The following TUFT1 variants were observed in gnomAD, a reference collection of about 807,000 sequenced individuals.
TUFT1 encodes the protein tuftelin 1.
TUFT1 carries 43 observed loss-of-function variants against 57.8 expected under a neutral mutation model. The observed-to-expected ratio is 0.74, with a 90% CI of 0.58 to 0.96. The LOEUF is 0.96. TUFT1 is among the 40% of genes least tolerant of loss of function. The probability of loss-of-function intolerance (pLI) is 0.00; values close to 1 mark genes in which losing one functional copy is unlikely to be tolerated. For missense variants in TUFT1, 459 were observed against 489.0 expected (o/e 0.94, Z 0.58); for synonymous variants, 166 against 176.7 (o/e 0.94, Z 0.48).
At chr1:151,580,115 C>T (rs902387222) in intron 11 of TUFT1, among the ~76,000 whole-genome samples, 1 of 152,152 alleles carries the variant, frequency 6.6e-6, no homozygotes, top group South Asian at 2.1e-4. Flanking sequence ...GATTACGTAA[C>T]GAGTTGCCTT....
rs1200252645 is a variant in TUFT1 at position 151,566,119 on chromosome 1, GC to G, written c.415-43del. 3 of 1,362,382 alleles carry G rather than the reference GC, an allele frequency of 2.2e-6. No homozygotes were observed. The African/African-American group carries it at 4.6e-5, about 21-fold the overall frequency. The allele number at this position is 1,362,382 out of a possible 1,614,324, so 84.4% of individuals were successfully genotyped here. A position where few individuals can be genotyped will look rare whatever the true frequency, so the allele number is the denominator to read the frequency against. On this transcript the variant is annotated intron_variant, in intron 5 of 12. Transcript: ENST00000368849. Reference sequence around the variant, plus strand: ...GGAGAATAATGTTTCAAAGTTGGTTGCTTTCATCTGTTTTAACTACCAATTT... The same window carrying G: ...GGAGAATAATGTTTCAAAGTTGGTTGTTTCATCTGTTTTAACTACCAATTT...
At chr1:151,562,834 G>C (rs1208616676) in intron 3 of TUFT1, 148 bp downstream of exon 3, 5 of 667,522 alleles carry the variant, frequency 7.5e-6, no homozygotes, top group Non-Finnish European at 1.0e-5. Context: ...CAATCTCCTA[G>C]AAATATCTTA....
chr1:151,562,312 C>A, intron 2 of TUFT1, 147 bp downstream of exon 2: 1 of 731,168 alleles, frequency 1.4e-6, no homozygotes, highest in African/African-American at 1.8e-5. Flanking sequence ...TTGCCTCAGC[C>A]TTCTGCACTG....
chr1:151,560,959 TGTG>T (rs1558007235), intron 1 of TUFT1, among the ~76,000 whole-genome samples: 90 of 14,600 alleles, frequency 6.2e-3, no homozygotes, highest in Admixed American at 7.4e-3. Context: ...CAAAGTATTG[TGTG>T]TGTGTGTGTG....
chr1:151,565,484 G>A (rs1666039366), intron 5 of TUFT1, among the ~76,000 whole-genome samples: 1 of 152,236 alleles, frequency 6.6e-6, no homozygotes, highest in Non-Finnish European at 1.5e-5. Flanking sequence ...ATGCACTTGT[G>A]TGGTGGAAAT....
At chr1:151,565,047 T>C in intron 5 of TUFT1, 1 of 155,416 alleles carries the variant, frequency 6.4e-6, no homozygotes. Flanking sequence ...GTCCGTGCCC[T>C]AGCCTGTTAT....
chr1:151,542,973 A>C (rs1665213753), intron 1 of TUFT1, among the ~76,000 whole-genome samples: 1 of 152,226 alleles, frequency 6.6e-6, no homozygotes, highest in Admixed American at 6.5e-5. Flanking sequence ...AAATGAACAG[A>C]TGTTTCTTCC....
In TUFT1 at chr1:151,540,481, C is replaced by T. The variant is rs1665125064; in HGVS notation, c.60+55C>T. 5 of 1,601,608 alleles carry T rather than the reference C, an allele frequency of 3.1e-6. No individual in the cohort carries two copies. The East Asian group carries it at 1.1e-4, about 36-fold the overall frequency. On this transcript the variant is annotated intron_variant, in intron 1 of 12. Coordinates refer to ENST00000368849, the MANE Select transcript of TUFT1 (RefSeq NM_020127.3). ...CGTTTTGTATTCCCGGTTTCTAAGTCCGCCCCTTCCGTGCCCCGCGCCGTG... is the reference window on the plus strand; with the variant it reads ...CGTTTTGTATTCCCGGTTTCTAAGTTCGCCCCTTCCGTGCCCCGCGCCGTG...
At chr1:151,581,178 G>A in intron 12 of TUFT1, 136 bp downstream of exon 12, 1 of 818,792 alleles carries the variant, frequency 1.2e-6, no homozygotes, top group South Asian at 1.8e-5. Flanking sequence ...CTGACCCACT[G>A]TTTGCCGGAA....
At position 151,578,749 on chromosome 1, in the gene TUFT1, G is replaced by C; in HGVS notation, c.847G>C (p.Gly283Arg). ...KAATLEKEVAGLREKIHHLDD... is the reference protein window; with the variant it reads ...KAATLEKEVARLREKIHHLDD... ...TGCTACCCTGGAAAAGGAAGTGGCC[G>C]GGTTGCGGGAGAAGATCCACCACTT... The change falls in exon 10 of 13, where the codon GGG becomes CGG. Residue 283 changes from glycine (G) to arginine (R), a missense_variant. By Grantham distance (125) the Gly-to-Arg change is moderately radical (BLOSUM62 -2). Transcript: ENST00000368849. 6 of 1,579,960 alleles carry C rather than the reference G, an allele frequency of 3.8e-6. No homozygotes were observed. The highest frequency in any genetic ancestry group is 2.3e-5 in the East Asian group (1 of 43,296).
intron 1 of TUFT1, among the ~76,000 whole-genome samples, chr1:151,554,695 C>CCTTTTTTTTTTTTTTTTTTTT (rs1553249393): frequency 2.3e-5 from 2 of 85,652 alleles, no homozygotes. Flanking sequence ...GCCCGGCCCC[C>CCTTTTTTTTTTTTTTTTTTTT]TTTTTTTTTT....
chr1:151,574,019 G>A (rs1275691445), intron 7 of TUFT1, among the ~76,000 whole-genome samples: 1 of 152,142 alleles, frequency 6.6e-6, no homozygotes, highest in Non-Finnish European at 1.5e-5. Context: ...GGTGCTTGTG[G>A]GTTCCAGGTG....
chr1:151,563,899 T>G lies in TUFT1; in HGVS notation c.238-5T>G, dbSNP rs749274699. 5 of 1,613,506 alleles carry G rather than the reference T, an allele frequency of 3.1e-6. No individual in the cohort carries two copies. The highest frequency in any genetic ancestry group is 4.2e-6 in the Non-Finnish European group (5 of 1,179,426). On this transcript the variant is annotated splice_region_variant and splice_polypyrimidine_tract_variant and intron_variant, in intron 3 of 12. Transcript: ENST00000368849. Reference sequence around the variant, plus strand: ...TTTCTTAACTAAATGGTGTTCTTATTTCAGGTGTACTTGAAGGGGAGGTCT... The same window carrying G: ...TTTCTTAACTAAATGGTGTTCTTATGTCAGGTGTACTTGAAGGGGAGGTCT...
chr1:151,576,382 G>C (rs1339158128), intron 9 of TUFT1, among the ~76,000 whole-genome samples: 1 of 152,062 alleles, frequency 6.6e-6, no homozygotes, highest in Admixed American at 6.6e-5. Context: ...ATTCTCAATT[G>C]ATACCAGCTG....
chr1:151,581,049 G>A lies in TUFT1; in HGVS notation c.1109+7G>A. ...AGACAGAGAACCCGGGCAGGTGAGT[G>A]AGCGTGTGTAGATAGAATGGGGCCA... is the stretch of plus-strand genomic sequence containing the variant. On this transcript the variant is annotated splice_region_variant and intron_variant, in intron 12 of 12. Coordinates refer to ENST00000368849, the MANE Select transcript of TUFT1 (RefSeq NM_020127.3). The A allele has an allele frequency of 1.2e-6, 2 of 1,613,746 alleles. No homozygotes were observed. The highest frequency in any genetic ancestry group is 1.7e-6 in the Non-Finnish European group (2 of 1,179,744).
chr1:151,544,754 T>A (rs1192594185), intron 1 of TUFT1, among the ~76,000 whole-genome samples: 1 of 152,224 alleles, frequency 6.6e-6, no homozygotes, highest in East Asian at 1.9e-4. Flanking sequence ...AGCAGTCCCC[T>A]GCTCCAAGTT....
At chr1:151,562,060 G>A (rs1665913833) in intron 1 of TUFT1, 31 bp from the exon 2 acceptor site, 2 of 1,608,000 alleles carry the variant, frequency 1.2e-6, no homozygotes, top group Non-Finnish European at 1.7e-6. Flanking sequence ...TAAAGTTGAG[G>A]GGTTATTGTT....
At chr1:151,561,896 C>G (rs954713505) in intron 1 of TUFT1, 195 bp from the exon 2 acceptor site, 1 of 1,521,772 alleles carries the variant, frequency 6.6e-7, no homozygotes, top group Non-Finnish European at 8.8e-7. Context: ...TGGGTGGTCC[C>G]AGAGTCACCA....
chr1:151,572,388 G>T (rs779848062), intron 7 of TUFT1, among the ~76,000 whole-genome samples: 1 of 151,974 alleles, frequency 6.6e-6, no homozygotes, highest in Non-Finnish European at 1.5e-5. Flanking sequence ...CTTTTGCTCC[G>T]ACAGTGGGGT....
Sources: allele counts gnomAD v4.1 joint callset (sites outside exome capture counted in the v4.1 genomes callset), GRCh38; gene constraint gnomAD v4.1.1; transcripts MANE v1.5; gene names NCBI Gene and HGNC (gene_info 2026-07-23, HGNC 2026-07-21).